ARL13B: variants seen among roughly 807,000 people sequenced by gnomAD.
ARL13B encodes ADP-ribosylation factor-like protein 13B.
Under a neutral mutation model 56.1 loss-of-function variants are expected in ARL13B, and 36 were observed. That is an observed-to-expected ratio of 0.64 (90% CI 0.49 to 0.85). The LOEUF (loss-of-function observed/expected upper bound fraction) is 0.85, where lower values mean the gene tolerates loss of function less well. ARL13B is among the 40% of genes least tolerant of loss of function. The probability of loss-of-function intolerance (pLI) is 0.00; values close to 1 mark genes in which losing one functional copy is unlikely to be tolerated. For missense variants in ARL13B, 519 were observed against 507.1 expected (o/e 1.02, Z -0.23); for synonymous variants, 178 against 171.1 (o/e 1.04, Z -0.32).
intron 3 of ARL13B, among the ~76,000 whole-genome samples, chr3:94,026,114 G>A (rs1324393245): frequency 6.6e-6 from 1 of 151,724 alleles, no homozygotes; most frequent in Non-Finnish European, 1.5e-5. Context: ...CCGCCTTCCG[G>A]GTTCACGCCA....
At position 94,055,535 on chromosome 3, in the gene ARL13B, C is replaced by T. The variant is rs756089792; in HGVS notation, c.*2272C>T. 2 of 453,844 alleles carry T rather than the reference C, an allele frequency of 4.4e-6. No individual in the cohort carries two copies. The highest frequency in any genetic ancestry group is 8.8e-6 in the Non-Finnish European group (2 of 226,658). The allele number at this position is 453,844 out of a possible 1,614,324, so 28.1% of individuals were successfully genotyped here. A position where few individuals can be genotyped will look rare whatever the true frequency, so the allele number is the denominator to read the frequency against. The stretch of plus-strand genomic sequence containing the variant: ...GTTAGAGGATTTGATGTCTGTCTTG[C>T]GTTAAAGCTGTTGGTCAACAGATAT... On this transcript the variant is annotated 3_prime_UTR_variant, in exon 10 of 10. Transcript: ENST00000394222.
At chr3:94,014,325 G>A in intron 3 of ARL13B, 2 of 1,361,246 alleles carry the variant, frequency 1.5e-6, no homozygotes, top group South Asian at 1.6e-5. Context: ...AACAATACAA[G>A]ACACTGAAAT....
chr3:93,993,833 G>A (rs1421490013), intron 1 of ARL13B, among the ~76,000 whole-genome samples: 3 of 152,164 alleles, frequency 2.0e-5, no homozygotes, highest in Non-Finnish European at 2.9e-5. Flanking sequence ...GATGGATAGA[G>A]GTTCCTAGAC....
chr3:94,027,476 T>A (rs1559996077), intron 3 of ARL13B, among the ~76,000 whole-genome samples: 4 of 152,124 alleles, frequency 2.6e-5, no homozygotes, highest in Admixed American at 2.6e-4. Context: ...TTTGAACTTT[T>A]ATCTGATTCA....
chr3:94,005,795 C>T (rs1034032408), intron 3 of ARL13B, among the ~76,000 whole-genome samples: 9 of 151,974 alleles, frequency 5.9e-5, no homozygotes, highest in African/African-American at 2.2e-4. Flanking sequence ...ACAAAATGTA[C>T]ACAAAAGTAC....
intron 2 of ARL13B, among the ~76,000 whole-genome samples, chr3:93,997,164 A>T (rs2075982210): frequency 1.3e-5 from 2 of 152,118 alleles, no homozygotes; most frequent in South Asian, 2.1e-4. Context: ...TTCATTATGT[A>T]TTACAATGTA....
chr3:93,980,955 C>T (rs1202993597), intron 1 of ARL13B, among the ~76,000 whole-genome samples: 1 of 152,158 alleles, frequency 6.6e-6, no homozygotes, highest in African/African-American at 2.4e-5. Context: ...ATGACTCAAC[C>T]ATTTTGGCCC....
intron 1 of ARL13B, among the ~76,000 whole-genome samples, chr3:93,992,770 C>T (rs1296811149): frequency 6.6e-6 from 1 of 151,972 alleles, no homozygotes; most frequent in Non-Finnish European, 1.5e-5. Flanking sequence ...CTTGAATTAT[C>T]TAAAATATTT....
chr3:94,013,775 C>G (rs1354967573), intron 3 of ARL13B, among the ~76,000 whole-genome samples: 5 of 152,114 alleles, frequency 3.3e-5, no homozygotes, highest in African/African-American at 1.2e-4. Context: ...GCAAAACCAC[C>G]CCCTCTACTA....
Position 94,014,367 on chromosome 3 carries a change from A to G in ARL13B, c.380+10459A>G, listed in dbSNP as rs773023991. The G allele has an allele frequency of 2.7e-5, 41 of 1,509,058 alleles. No homozygotes were observed. In the Admixed American group the frequency reaches 2.7e-4, roughly 10 times the overall value. The allele number at this position is 1,509,058 out of a possible 1,614,324, so 93.5% of individuals were successfully genotyped here. ...TATCTTTTACCGTAAAGCTGGAAAA[A>G]GTTTTAAAATAGCTTCTTTATTTTG... is the stretch of plus-strand genomic sequence containing the variant. On this transcript the variant is annotated intron_variant, in intron 3 of 9. Transcript: ENST00000394222.
chr3:94,027,329 A>G (rs1381541386), intron 3 of ARL13B, among the ~76,000 whole-genome samples: 1 of 152,020 alleles, frequency 6.6e-6, no homozygotes, highest in Admixed American at 6.5e-5. Context: ...TATATTGTCT[A>G]ATTTTGAAGT....
At chr3:94,043,633 CTCCCTCTCCTTCCCTCCCCCCTCCCCTT>C in intron 7 of ARL13B, among the ~76,000 whole-genome samples, 1 of 1,436 alleles carries the variant, frequency 7.0e-4, no homozygotes, top group Non-Finnish European at 2.0e-3. Flanking sequence ...TCCCCTCCCC[CTCCCTCTCCTTCCCTCCCCCCTCCCCTT>C]TCTTTCTTTC....
intron 6 of ARL13B, among the ~76,000 whole-genome samples, chr3:94,040,627 G>GCAT (rs752343258): frequency 1.3e-5 from 2 of 150,282 alleles, no homozygotes; most frequent in Non-Finnish European, 3.0e-5. Flanking sequence ...CAGCAGCGAT[G>GCAT]CCTCTTCTGA....
intron 3 of ARL13B, among the ~76,000 whole-genome samples, chr3:94,033,401 A>T (rs554629021): frequency 6.6e-6 from 1 of 152,228 alleles, no homozygotes; most frequent in East Asian, 1.9e-4. Flanking sequence ...TTTTAAATCA[A>T]CCTGATCACC....
chr3:94,046,049 A>T lies in ARL13B; in HGVS notation c.1024+2809A>T, dbSNP rs575450985. On this transcript the variant is annotated intron_variant, in intron 7 of 9. Coordinates refer to ENST00000394222, the MANE Select transcript of ARL13B (RefSeq NM_001174150.2). ...TGACTAGAGGATAGACACAGAGATC[A>T]ATAAAACACAATAGAGATTCTAGAA... Among the ~76,000 whole-genome samples the T allele has an allele frequency of 8.6e-4, 131 of 152,154 alleles. 1 individual carries two copies. Among genetic ancestry groups the T allele is most frequent in the African/African-American group, 2.9e-3 (121 of 41,550 alleles).
At chr3:93,995,836 A>AGGAGC in intron 1 of ARL13B, 38 bp from the exon 2 acceptor site, 1 of 1,553,770 alleles carries the variant, frequency 6.4e-7, no homozygotes, top group Non-Finnish European at 8.8e-7. Flanking sequence ...ATACTAAATT[A>AGGAGC]ACAAAGAAAG....
At chr3:94,009,041 G>A (rs979620150) in intron 3 of ARL13B, among the ~76,000 whole-genome samples, 7 of 151,830 alleles carry the variant, frequency 4.6e-5, no homozygotes, top group African/African-American at 1.5e-4. Context: ...GGCACACTGC[G>A]TATGGGGTAG....
intron 1 of ARL13B, among the ~76,000 whole-genome samples, chr3:93,985,488 C>G (rs577646131): frequency 6.6e-6 from 1 of 152,076 alleles, no homozygotes; most frequent in Admixed American, 6.5e-5. Flanking sequence ...GAAATTCATG[C>G]AACAAATTTT....
At chr3:94,022,275 G>A (rs1575997777) in intron 3 of ARL13B, among the ~76,000 whole-genome samples, 1 of 152,098 alleles carries the variant, frequency 6.6e-6, no homozygotes, top group East Asian at 1.9e-4. Flanking sequence ...ACAGGCGCCT[G>A]CCACCACGCA....
Sources: allele counts gnomAD v4.1 joint callset (sites outside exome capture counted in the v4.1 genomes callset), GRCh38; gene constraint gnomAD v4.1.1; transcripts MANE v1.5; gene names NCBI Gene and HGNC (gene_info 2026-07-23, HGNC 2026-07-21).